SH3BGRL: variants seen among roughly 807,000 people sequenced by gnomAD.
SH3BGRL encodes the protein SH3 domain binding glutamate rich protein like.
In SH3BGRL, 7 loss-of-function variants were observed where a neutral mutation model predicts 9.8. The ratio of observed to expected loss-of-function variants is 0.72; its 90% CI spans 0.41 to 1.35. The LOEUF (loss-of-function observed/expected upper bound fraction) is 1.35, where lower values mean the gene tolerates loss of function less well. Among genes scored for constraint, SH3BGRL ranks in the 40% most tolerant of loss-of-function variants. The probability of loss-of-function intolerance (pLI) is 0.01; values close to 1 mark genes in which losing one functional copy is unlikely to be tolerated. For synonymous variants in SH3BGRL, 36 were observed against 29.1 expected (o/e 1.24, Z -0.76); for missense variants, 73 against 84.4 (o/e 0.86, Z 0.53).
intron 1 of SH3BGRL, among the ~76,000 whole-genome samples, chrX:81,267,416 A>C (rs1157844863): frequency 8.9e-6 from 1 of 111,843 alleles, no homozygotes; most frequent in Non-Finnish European, 1.9e-5. Flanking sequence ...TTTAGCATGA[A>C]AGGCTGTTGA....
chrX:81,215,134 G>T (rs1288990388), intron 1 of SH3BGRL, among the ~76,000 whole-genome samples: 1 of 110,071 alleles, frequency 9.1e-6, no homozygotes, highest in Non-Finnish European at 1.9e-5. Context: ...CCATATCAAT[G>T]ACATTATTCA....
chrX:81,252,910 G>T (rs2075715104), intron 1 of SH3BGRL, among the ~76,000 whole-genome samples: 1 of 112,146 alleles, frequency 8.9e-6, no homozygotes, highest in African/African-American at 3.2e-5. Context: ...ACAAACAAGA[G>T]AAAAAAGCAG....
rs1208150252 is a variant in SH3BGRL, at chrX:81,278,429, TC to T, written c.312+20del. On this transcript the variant is annotated intron_variant, in intron 3 of 3. Coordinates refer to ENST00000373212, the MANE Select transcript of SH3BGRL (RefSeq NM_003022.3). ...GTTCAAAGGTATGATACCCTTTTTT[TC>T]CTGTTTTATAGGTCATTTTATTGCT... The T allele has an allele frequency of 9.6e-7, 1 of 1,039,430 alleles. No individual in the cohort carries two copies. The highest frequency in any genetic ancestry group is 1.3e-6 in the Non-Finnish European group (1 of 754,358). The allele number at this position is 1,039,430 out of a possible 1,213,427, so 85.7% of individuals were successfully genotyped here. A position where few individuals can be genotyped will look rare whatever the true frequency, so the allele number is the denominator to read the frequency against.
intron 3 of SH3BGRL, among the ~76,000 whole-genome samples, chrX:81,289,436 TA>T (rs1220015911): frequency 9.0e-6 from 1 of 111,727 alleles, no homozygotes; most frequent in African/African-American, 3.3e-5. Context: ...CACATCAAGT[TA>T]AAAAGTTTCT....
intron 3 of SH3BGRL, among the ~76,000 whole-genome samples, chrX:81,282,169 CA>C (rs1602627236): frequency 1.8e-5 from 2 of 111,741 alleles, no homozygotes; most frequent in African/African-American, 6.5e-5. Flanking sequence ...CTGGAGCTTT[CA>C]AATTTATAAA....
chrX:81,220,367 A>G (rs1402833101), intron 1 of SH3BGRL, among the ~76,000 whole-genome samples: 1 of 111,085 alleles, frequency 9.0e-6, no homozygotes, highest in Non-Finnish European at 1.9e-5. Context: ...CTGTCTAGGA[A>G]TTTATCAATT....
At chrX:81,268,320 G>A (rs1344405051) in intron 1 of SH3BGRL, among the ~76,000 whole-genome samples, 2 of 110,853 alleles carry the variant, frequency 1.8e-5, no homozygotes, top group Non-Finnish European at 1.9e-5. Flanking sequence ...TTACGGTTTC[G>A]ATTTTAGACC....
chrX:81,230,582 G>A (rs747520793), intron 1 of SH3BGRL, among the ~76,000 whole-genome samples: 2 of 112,186 alleles, frequency 1.8e-5, no homozygotes, highest in Non-Finnish European at 3.8e-5. Context: ...AATTATCTTG[G>A]CATATTTGAG....
At chrX:81,256,780 G>A (rs765437572) in intron 1 of SH3BGRL, among the ~76,000 whole-genome samples, 1 of 112,080 alleles carries the variant, frequency 8.9e-6, no homozygotes, top group African/African-American at 3.2e-5. Flanking sequence ...GATATTGACA[G>A]CAGCTTAAGA....
At chrX:81,203,400 G>A (rs953536286) in intron 1 of SH3BGRL, among the ~76,000 whole-genome samples, 17 of 111,866 alleles carry the variant, frequency 1.5e-4, no homozygotes, top group Non-Finnish European at 3.2e-4. Flanking sequence ...TGGCCACCAT[G>A]TGTGGATATG....
chrX:81,223,443 T>G (rs1392685461), intron 1 of SH3BGRL, among the ~76,000 whole-genome samples: 3 of 111,512 alleles, frequency 2.7e-5, no homozygotes, highest in African/African-American at 9.8e-5. Context: ...ATATATTTCC[T>G]AAGTACCCAC....
intron 1 of SH3BGRL, among the ~76,000 whole-genome samples, chrX:81,239,199 C>A (rs1388098495): frequency 8.9e-6 from 1 of 111,738 alleles, no homozygotes; most frequent in African/African-American, 3.3e-5. Context: ...AGGGACAAAT[C>A]CTGGAGAAAA....
chrX:81,226,747 G>A (rs1174181033), intron 1 of SH3BGRL, among the ~76,000 whole-genome samples: 3 of 109,248 alleles, frequency 2.7e-5, no homozygotes, highest in Non-Finnish European at 5.7e-5. Context: ...ACAAGAGGTT[G>A]GAGTGATGTG....
intron 1 of SH3BGRL, among the ~76,000 whole-genome samples, chrX:81,260,198 A>T (rs945683953): frequency 1.8e-5 from 2 of 111,892 alleles, no homozygotes; most frequent in Non-Finnish European, 3.8e-5. Flanking sequence ...CAGACAGTGT[A>T]ATTAGCATGA....
chrX:81,218,638 CATCTAT>C (rs1347846490), intron 1 of SH3BGRL, among the ~76,000 whole-genome samples: 2 of 104,454 alleles, frequency 1.9e-5, no homozygotes, highest in African/African-American at 3.4e-5. Context: ...AGGTTTTATA[CATCTAT>C]ATCTATATCT....
intron 1 of SH3BGRL, among the ~76,000 whole-genome samples, chrX:81,232,142 T>A (rs1292298518): frequency 5.4e-5 from 6 of 111,247 alleles, no homozygotes; most frequent in Admixed American, 2.9e-4. Flanking sequence ...AACTGTTCTA[T>A]AGCTATATTT....
At chrX:81,235,428 C>T (rs932804010) in intron 1 of SH3BGRL, among the ~76,000 whole-genome samples, 4 of 109,693 alleles carry the variant, frequency 3.6e-5, no homozygotes, top group Admixed American at 2.0e-4. Flanking sequence ...AGTTGAGTAT[C>T]GGAAAAGTGA....
intron 3 of SH3BGRL, among the ~76,000 whole-genome samples, chrX:81,280,860 A>T (rs1198009766): frequency 1.8e-5 from 2 of 111,664 alleles, no homozygotes; most frequent in African/African-American, 6.5e-5. Context: ...GGGGTTAGTT[A>T]TTAAGCTAAT....
chrX:81,204,151 T>C (rs1275782981), intron 1 of SH3BGRL, among the ~76,000 whole-genome samples: 1 of 112,384 alleles, frequency 8.9e-6, no homozygotes, highest in African/African-American at 3.2e-5. Flanking sequence ...TTATTTCAAT[T>C]TTTTGTCATG....
Sources: gnomAD v4.1 joint callset for allele counts (sites outside exome capture counted in the v4.1 genomes callset) on GRCh38, gnomAD v4.1.1 for gene constraint, MANE v1.5 for transcripts, NCBI Gene and HGNC (gene_info 2026-07-23, HGNC 2026-07-21) for gene names.